Variants in TMEM184C observed in about 807,000 individuals in gnomAD.
TMEM184C encodes the protein transmembrane protein 184C.
TMEM184C carries 25 observed loss-of-function variants against 54.5 expected under a neutral mutation model. The ratio of observed to expected loss-of-function variants is 0.46; its 90% CI spans 0.33 to 0.64. The LOEUF is 0.64. Ranked by LOEUF, TMEM184C falls within the 30% of genes least tolerant of loss-of-function variation. The pLI is 0.02. For synonymous variants in TMEM184C, 148 were observed against 181.5 expected, an observed-to-expected ratio of 0.82 and a Z score of 1.49; for missense variants, 335 against 520.3, an observed-to-expected ratio of 0.64 and a Z score of 3.46.
rs771176970 is a variant in TMEM184C at position 147,617,565 on chromosome 4, C to T, written c.-392C>T. On this transcript the variant is annotated 5_prime_UTR_variant, in exon 1 of 10. Transcript: ENST00000296582. ...GTGGGCAGGCAGCTGCGAGACAGAA[C>T]CGGAGTGTGCAGGGTCCCTAGAGGC... 6 of 185,900 alleles carry T rather than the reference C, an allele frequency of 3.2e-5. No homozygotes were observed. The highest frequency in any genetic ancestry group is 5.2e-5 in the Admixed American group (1 of 19,278). 11.5% of individuals were successfully genotyped at this position (185,900 alleles called of 1,614,324 possible).
Position 147,623,983 on chromosome 4 carries a change from G to T in TMEM184C, c.254+19G>T. 1 of 1,613,260 alleles carries T rather than the reference G, an allele frequency of 6.2e-7. No homozygotes were observed. Among genetic ancestry groups the T allele is most frequent in the South Asian group, 1.1e-5 (1 of 90,910 alleles). On this transcript the variant is annotated intron_variant, in intron 2 of 9. Transcript: ENST00000296582. ...TAATAAGGTATGTCTTAATAATTTTGATTCCACTACTGTTGTGTTGGCTTA... is the reference window on the plus strand; with the variant it reads ...TAATAAGGTATGTCTTAATAATTTTTATTCCACTACTGTTGTGTTGGCTTA...
At chr4:147,625,467 T>C (rs1431242065) in intron 4 of TMEM184C, among the ~76,000 whole-genome samples, 2 of 152,242 alleles carry the variant, frequency 1.3e-5, no homozygotes, top group East Asian at 1.9e-4. Context: ...TTAAAACTTA[T>C]GTCATTTCAT....
intron 1 of TMEM184C, among the ~76,000 whole-genome samples, chr4:147,619,921 T>C (rs1017744303): frequency 1.8e-4 from 27 of 152,182 alleles, no homozygotes; most frequent in Admixed American, 6.5e-5. Context: ...AAGGCCAGTA[T>C]TCCTCACTGT....
chr4:147,632,573 G>T, intron 7 of TMEM184C: 1 of 202,046 alleles, frequency 4.9e-6, no homozygotes, highest in Non-Finnish European at 9.9e-6. Flanking sequence ...ACCATTATAA[G>T]AAACACTGAA....
chr4:147,631,918 G>A (rs1159999863), intron 7 of TMEM184C, among the ~76,000 whole-genome samples: 2 of 152,060 alleles, frequency 1.3e-5, no homozygotes, highest in African/African-American at 2.4e-5. Context: ...AGTGGCTCAC[G>A]CCTGTAATCC....
At chr4:147,618,392 T>A (rs1470992822) in intron 1 of TMEM184C, among the ~76,000 whole-genome samples, 1 of 152,202 alleles carries the variant, frequency 6.6e-6, no homozygotes, top group African/African-American at 2.4e-5. Context: ...TGTTCAGACA[T>A]TGGACGAAAC....
chr4:147,628,504 G>C, intron 5 of TMEM184C, 69 bp downstream of exon 5: 1 of 1,266,286 alleles, frequency 7.9e-7, no homozygotes, highest in South Asian at 1.2e-5. Flanking sequence ...CAACTAAGTA[G>C]AAAACATAGT....
Position 147,634,699 on chromosome 4 carries a change from A to G in TMEM184C, c.*265A>G, listed in dbSNP as rs1732981184. On this transcript the variant is annotated 3_prime_UTR_variant, in exon 10 of 10. Coordinates refer to ENST00000296582, the MANE Select transcript of TMEM184C (RefSeq NM_018241.3). ...CAATGACCCCAACTAAATCTTCCTG[A>G]TGTTACACTGCTTTATCAAGAGGAT... 13 of 361,390 alleles carry G rather than the reference A, an allele frequency of 3.6e-5. 1 individual carries two copies. The South Asian group carries it at 6.4e-4, about 18-fold the overall frequency. 22.4% of individuals were successfully genotyped at this position (361,390 alleles called of 1,614,324 possible).
rs562071716 is a variant in TMEM184C, at chr4:147,631,888, T to C, written c.779+383T>C. Among the ~76,000 whole-genome samples the C allele has an allele frequency of 4.6e-4, 70 of 152,212 alleles. 1 individual carries two copies. Among genetic ancestry groups the C allele is most frequent in the African/African-American group, 1.6e-3 (67 of 41,542 alleles). On this transcript the variant is annotated intron_variant, in intron 7 of 9. Coordinates refer to ENST00000296582, the MANE Select transcript of TMEM184C (RefSeq NM_018241.3). ...AGGTAAAACTATACATAGTTCAATA[T>C]AGTAAAGAGGGCCGGGCACAGTGGC...
intron 8 of TMEM184C, 108 bp from the exon 9 acceptor site, chr4:147,633,655 AAC>A (rs1732956680): frequency 1.1e-6 from 1 of 901,120 alleles, no homozygotes; most frequent in East Asian, 2.8e-5. Flanking sequence ...GAGAAGAAAA[AAC>A]ACAGCTGTTT....
rs773071312 is a variant in TMEM184C at position 147,625,697 on chromosome 4, G to T, written c.497+688G>T. ...AAAACTGAAAAGGGGGATGAGATTGGAATAGAAAAGAAAGGCAATAAGAGA... is the reference window on the plus strand; with the variant it reads ...AAAACTGAAAAGGGGGATGAGATTGTAATAGAAAAGAAAGGCAATAAGAGA... On this transcript the variant is annotated intron_variant, in intron 4 of 9. Coordinates refer to ENST00000296582, the MANE Select transcript of TMEM184C (RefSeq NM_018241.3). 7.2e-5 allele frequency among the ~76,000 whole-genome samples: 11 copies of T among 152,230 alleles called. No individual in the cohort carries two copies. The East Asian group carries it at 9.6e-4, about 13-fold the overall frequency.
chr4:147,621,505 G>C (rs1208752996), intron 1 of TMEM184C, among the ~76,000 whole-genome samples: 1 of 152,072 alleles, frequency 6.6e-6, no homozygotes, highest in Non-Finnish European at 1.5e-5. Context: ...AAATTATTTA[G>C]AGGTAAACAT....
chr4:147,624,727 T>C, intron 3 of TMEM184C, 77 bp from the exon 4 acceptor site: 3 of 1,391,282 alleles, frequency 2.2e-6, no homozygotes, highest in Admixed American at 1.9e-5. Flanking sequence ...AATTAGCTTA[T>C]TGTGAGTACC....
chr4:147,626,888 T>A (rs1328223206), intron 4 of TMEM184C, among the ~76,000 whole-genome samples: 1 of 152,196 alleles, frequency 6.6e-6, no homozygotes, highest in African/African-American at 2.4e-5. Context: ...TGTGCTCAAC[T>A]CTGAAGGCAA....
intron 1 of TMEM184C, among the ~76,000 whole-genome samples, chr4:147,620,184 C>G (rs1732683415): frequency 6.6e-6 from 1 of 152,140 alleles, no homozygotes; most frequent in Non-Finnish European, 1.5e-5. Context: ...AACTTCCCCC[C>G]ACCCCAACTC....
intron 4 of TMEM184C, among the ~76,000 whole-genome samples, chr4:147,626,108 T>C (rs1271979447): frequency 6.6e-6 from 1 of 152,136 alleles, no homozygotes; most frequent in East Asian, 1.9e-4. Context: ...ATGCAGGGTC[T>C]GCAAAATATC....
rs1221330600 is a variant in TMEM184C, at chr4:147,634,497, T to A, written c.*63T>A. On this transcript the variant is annotated 3_prime_UTR_variant, in exon 10 of 10. Coordinates refer to ENST00000296582, the MANE Select transcript of TMEM184C (RefSeq NM_018241.3). ...TATCATTACCTGGTATCCCATGGATTTTGTGCTTGGGACAGACCATAAATG... is the reference window on the plus strand; with the variant it reads ...TATCATTACCTGGTATCCCATGGATATTGTGCTTGGGACAGACCATAAATG... 2 of 1,556,992 alleles carry A rather than the reference T, an allele frequency of 1.3e-6. No individual in the cohort carries two copies. The highest frequency in any genetic ancestry group is 1.4e-5 in the African/African-American group (1 of 73,410).
At chr4:147,618,320 C>A (rs1279247234) in intron 1 of TMEM184C, among the ~76,000 whole-genome samples, 1 of 152,204 alleles carries the variant, frequency 6.6e-6, no homozygotes, top group Non-Finnish European at 1.5e-5. Flanking sequence ...TAGAAGGGCA[C>A]TGTTTTGCAA....
intron 1 of TMEM184C, 49 bp downstream of exon 1, chr4:147,618,128 A>G (rs201027284): frequency 1.7e-5 from 28 of 1,609,628 alleles, no homozygotes; most frequent in Middle Eastern, 1.6e-4. Flanking sequence ...CTACCCATCT[A>G]TGGTTGGGAA....
Sources: gnomAD v4.1 joint callset for allele counts (sites outside exome capture counted in the v4.1 genomes callset) on GRCh38, gnomAD v4.1.1 for gene constraint, MANE v1.5 for transcripts, NCBI Gene and HGNC (gene_info 2026-07-23, HGNC 2026-07-21) for gene names.